ASIC2: variants seen among roughly 807,000 people sequenced by gnomAD.
ASIC2 encodes the protein acid sensing ion channel subunit 2, also known as acid-sensing ion channel 2.
ASIC2 carries 25 observed loss-of-function variants against 57.3 expected under a neutral mutation model. The ratio of observed to expected loss-of-function variants is 0.44; its 90% CI spans 0.32 to 0.61. The LOEUF is 0.61. Ranked by LOEUF, ASIC2 falls within the 20% of genes least tolerant of loss-of-function variation. The pLI is 0.06. For missense variants in ASIC2, 641 were observed against 738.1 expected, an observed-to-expected ratio of 0.87 and a Z score of 1.52; for synonymous variants, 319 against 307.5, an observed-to-expected ratio of 1.04 and a Z score of -0.39.
intron 1 of ASIC2, among the ~76,000 whole-genome samples, chr17:33,919,411 C>T (rs971006538): frequency 3.9e-5 from 6 of 152,132 alleles, no homozygotes; most frequent in Admixed American, 6.5e-5. Flanking sequence ...AAAGAAGCAA[C>T]GGGGAAAGGA....
At chr17:33,987,055 T>G (rs768171608) in intron 1 of ASIC2, among the ~76,000 whole-genome samples, 1 of 152,188 alleles carries the variant, frequency 6.6e-6, no homozygotes, top group Non-Finnish European at 1.5e-5. Flanking sequence ...TTACATGCAT[T>G]AAGGCTTTTA....
rs149947883 is a variant in ASIC2 at position 33,479,987 on chromosome 17, G to A, written c.556-367920C>T. On this transcript the variant is annotated intron_variant, in intron 1 of 9. Coordinates refer to the ASIC2 transcript ENST00000359872. The stretch of plus-strand genomic sequence containing the variant: ...GAGGCCCCTCCTTCCCATGGTGAAC[G>A]CTTTGCCTTCATACCCCAGAAATCT... Among the ~76,000 whole-genome samples the A allele has an allele frequency of 7.8e-4, 118 of 152,232 alleles. 1 individual carries two copies. Among genetic ancestry groups the A allele is most frequent in the African/African-American group, 2.6e-3 (109 of 41,524 alleles).
intron 3 of ASIC2, among the ~76,000 whole-genome samples, chr17:33,046,879 A>G (rs2091957571): frequency 1.3e-5 from 2 of 152,212 alleles, no homozygotes; most frequent in African/African-American, 4.8e-5. Flanking sequence ...AGTCGTCAGA[A>G]TGAGCCCCAG....
At chr17:33,112,333 C>T (rs908180244) in intron 1 of ASIC2, among the ~76,000 whole-genome samples, 1 of 152,166 alleles carries the variant, frequency 6.6e-6, no homozygotes, top group East Asian at 1.9e-4. Context: ...AGCACTACCT[C>T]TGGGAGGTCC....
chr17:33,562,387 A>G (rs1916100439), intron 1 of ASIC2, among the ~76,000 whole-genome samples: 1 of 152,216 alleles, frequency 6.6e-6, no homozygotes, highest in Admixed American at 6.5e-5. Flanking sequence ...GAACAAATAT[A>G]CAGAGCCTCA....
intron 1 of ASIC2, among the ~76,000 whole-genome samples, chr17:33,500,778 C>T (rs961833090): frequency 6.6e-6 from 1 of 152,198 alleles, no homozygotes; most frequent in Admixed American, 6.5e-5. Context: ...GTGTTTTCCT[C>T]ATGTTTGTTT....
At chr17:33,967,044 C>T (rs868038119) in intron 1 of ASIC2, among the ~76,000 whole-genome samples, 7 of 152,210 alleles carry the variant, frequency 4.6e-5, no homozygotes, top group Non-Finnish European at 7.4e-5. Flanking sequence ...CTCGCTCCAC[C>T]CCAACTCTCC....
At chr17:34,039,646 T>C in intron 1 of ASIC2, 7 of 1,613,120 alleles carry the variant, frequency 4.3e-6, no homozygotes, top group Non-Finnish European at 5.1e-6. Context: ...AGGAGTGCCT[T>C]TCCCTTGGCT....
At chr17:33,394,447 T>C (rs1910003855) in intron 1 of ASIC2, among the ~76,000 whole-genome samples, 1 of 150,052 alleles carries the variant, frequency 6.7e-6, no homozygotes. Context: ...GGCCCACATA[T>C]GGATTTTTTT....
chr17:33,445,502 C>T (rs1162121167), intron 1 of ASIC2, among the ~76,000 whole-genome samples: 1 of 151,702 alleles, frequency 6.6e-6, no homozygotes, highest in African/African-American at 2.4e-5. Flanking sequence ...CTGCTACATA[C>T]CAGCAGTGGC....
intron 1 of ASIC2, among the ~76,000 whole-genome samples, chr17:33,455,217 G>A (rs1912406842): frequency 6.6e-6 from 1 of 152,048 alleles, no homozygotes; most frequent in Non-Finnish European, 1.5e-5. Context: ...TTTAGACTCA[G>A]GGAGCACATT....
intron 1 of ASIC2, among the ~76,000 whole-genome samples, chr17:34,044,946 T>C (rs970506398): frequency 6.6e-6 from 1 of 152,228 alleles, no homozygotes; most frequent in African/African-American, 2.4e-5. Flanking sequence ...TGTCCAAAGA[T>C]GAACAAAACT....
chr17:33,152,881 T>C (rs1415414296), intron 1 of ASIC2, among the ~76,000 whole-genome samples: 2 of 152,160 alleles, frequency 1.3e-5, no homozygotes, highest in Non-Finnish European at 2.9e-5. Context: ...TTAAATAAGG[T>C]TGAAAAATCG....
intron 1 of ASIC2, among the ~76,000 whole-genome samples, chr17:33,602,245 T>C (rs1209517855): frequency 6.6e-6 from 1 of 152,206 alleles, no homozygotes; most frequent in African/African-American, 2.4e-5. Context: ...CCAAATGCTG[T>C]GGTTTGAATG....
At chr17:33,820,428 A>G (rs1912709316) in intron 1 of ASIC2, among the ~76,000 whole-genome samples, 1 of 152,234 alleles carries the variant, frequency 6.6e-6, no homozygotes, top group Non-Finnish European at 1.5e-5. Flanking sequence ...AACTGATGAC[A>G]TGTTGAAATA....
chr17:33,928,639 G>C (rs973699240), intron 1 of ASIC2, among the ~76,000 whole-genome samples: 3 of 152,112 alleles, frequency 2.0e-5, no homozygotes, highest in Admixed American at 6.5e-5. Context: ...GCTCCGGAGG[G>C]GTGGAGCTTC....
chr17:33,406,371 G>A (rs1316217785), intron 1 of ASIC2, among the ~76,000 whole-genome samples: 2 of 152,124 alleles, frequency 1.3e-5, no homozygotes, highest in South Asian at 2.1e-4. Flanking sequence ...CAATGTGGAC[G>A]GGGCATAAAT....
chr17:33,936,988 C>T (rs910852293), intron 1 of ASIC2, among the ~76,000 whole-genome samples: 4 of 152,324 alleles, frequency 2.6e-5, no homozygotes, highest in African/African-American at 4.8e-5. Context: ...CAAGCCCAAG[C>T]GGAGAGAGTT....
intron 1 of ASIC2, among the ~76,000 whole-genome samples, chr17:33,121,963 G>C (rs549060306): frequency 1.1e-3 from 164 of 152,256 alleles, no homozygotes; most frequent in African/African-American, 3.9e-3. Flanking sequence ...AGGAGCATAC[G>C]GCCAAGACAA....
Sources: allele counts gnomAD v4.1 joint callset (sites outside exome capture counted in the v4.1 genomes callset), GRCh38; gene constraint gnomAD v4.1.1; transcripts MANE v1.5; gene names NCBI Gene and HGNC (gene_info 2026-07-23, HGNC 2026-07-21).